The following MUC13 variants were observed in gnomAD, a reference collection of about 807,000 sequenced individuals.
MUC13 encodes mucin-13.
A neutral mutation model predicts 48.3 loss-of-function variants in MUC13; 32 were observed. The observed-to-expected ratio is 0.66, with a 90% confidence interval of 0.50 to 0.89. MUC13 has a LOEUF of 0.89. MUC13 is among the 40% of genes least tolerant of loss of function. The pLI is 0.00. For missense variants in MUC13, 571 were observed against 622.8 expected, an observed-to-expected ratio of 0.92 and a Z score of 0.88; for synonymous variants, 199 against 224.9, an observed-to-expected ratio of 0.88 and a Z score of 1.03.
At chr3:124,912,967 G>GATGACA (rs1935449177) in intron 8 of MUC13, 144 bp downstream of exon 8, 3 of 367,966 alleles carry the variant, frequency 8.2e-6, no homozygotes, top group Middle Eastern at 7.1e-4. Flanking sequence ...AACTATTGAT[G>GATGACA]ATGACAATGA....
At chr3:124,911,388 A>G (rs1310919244) in intron 9 of MUC13, among the ~76,000 whole-genome samples, 1 of 152,190 alleles carries the variant, frequency 6.6e-6, no homozygotes, top group East Asian at 1.9e-4. Context: ...CAAACTTCTC[A>G]TTTTATAGAT....
At chr3:124,919,507 A>G (rs1935559521) in intron 5 of MUC13, among the ~76,000 whole-genome samples, 1 of 152,044 alleles carries the variant, frequency 6.6e-6, no homozygotes, top group Non-Finnish European at 1.5e-5. Context: ...AGGATTTGAT[A>G]TGGCTTATAA....
chr3:124,930,663 A>G (rs190693636), intron 1 of MUC13, among the ~76,000 whole-genome samples: 67 of 152,322 alleles, frequency 4.4e-4, no homozygotes, highest in Non-Finnish European at 8.5e-4. Context: ...ATGGGAAAAT[A>G]TATGCCCTGA....
chr3:124,913,964 G>A (rs752668905), intron 6 of MUC13, among the ~76,000 whole-genome samples: 5 of 152,130 alleles, frequency 3.3e-5, no homozygotes, highest in Non-Finnish European at 7.4e-5. Context: ...CAGGAGACTG[G>A]AGTGGGAGGA....
intron 6 of MUC13, among the ~76,000 whole-genome samples, chr3:124,914,391 A>G (rs1935476408): frequency 6.6e-6 from 1 of 151,772 alleles, no homozygotes; most frequent in African/African-American, 2.4e-5. Flanking sequence ...GCTCTGGGTG[A>G]CAGAGCAAGA....
At chr3:124,910,337 C>T (rs1935397803) in intron 10 of MUC13, 78 bp downstream of exon 10, 4 of 1,546,918 alleles carry the variant, frequency 2.6e-6, no homozygotes, top group Non-Finnish European at 3.5e-6. Flanking sequence ...AGTTCGAGAC[C>T]AACATGGGCA....
rs1935309837 is a variant in MUC13 at position 124,906,017 on chromosome 3, G to C, written c.*726C>G. The C allele has an allele frequency of 6.6e-6, 1 of 152,488 alleles. No homozygotes were observed. The highest frequency in any genetic ancestry group is 1.9e-4 in the East Asian group (1 of 5,194). The allele number at this position is 152,488 out of a possible 1,614,324, so 9.4% of individuals were successfully genotyped here. On this transcript the variant is annotated 3_prime_UTR_variant, in exon 12 of 12. Coordinates refer to ENST00000616727, the MANE Select transcript of MUC13 (RefSeq NM_033049.4). ...TACTCTCTGCCCCTTCTGCCTCCTA[G>C]CATTTCAAAAACTGTAGAGTGCACC...
intron 1 of MUC13, 102 bp downstream of exon 1, chr3:124,934,559 C>A: frequency 1.3e-6 from 1 of 783,882 alleles, no homozygotes; most frequent in Non-Finnish European, 2.3e-6. Flanking sequence ...ATAAAATAGA[C>A]CATGTGCTGG....
chr3:124,918,177 T>C (rs1361961975), intron 5 of MUC13, among the ~76,000 whole-genome samples: 2 of 152,084 alleles, frequency 1.3e-5, no homozygotes, highest in African/African-American at 4.8e-5. Context: ...GGAAAGAGCT[T>C]GGGGAGTCAG....
At chr3:124,914,451 G>A (rs1435236385) in intron 6 of MUC13, among the ~76,000 whole-genome samples, 1 of 152,038 alleles carries the variant, frequency 6.6e-6, no homozygotes, top group African/African-American at 2.4e-5. Flanking sequence ...AATGGAGTGG[G>A]GGAGAGAATA....
chr3:124,908,047 G>T, intron 11 of MUC13, 100 bp downstream of exon 11: 1 of 1,143,512 alleles, frequency 8.7e-7, no homozygotes, highest in Non-Finnish European at 1.2e-6. Context: ...GAAAAAGAAA[G>T]CCTGCGGGGC....
intron 2 of MUC13, 87 bp from the exon 3 acceptor site, chr3:124,923,736 C>T (rs1409806703): frequency 7.3e-7 from 1 of 1,366,360 alleles, no homozygotes; most frequent in East Asian, 2.4e-5. Context: ...TCATGCCTCC[C>T]CCCTGGGCCC....
chr3:124,927,929 T>C lies in MUC13; in HGVS notation c.117A>G (p.Thr39=). The change falls in exon 2 of 12, where the codon ACA becomes ACG. Residue 39 remains threonine, a synonymous_variant. Transcript: ENST00000616727. ...TTTETATSGP[T]VAAADTTETN... Reference sequence around the variant, plus strand: ...TTTCAGTGGTATCAGCTGCAGCTACTGTAGGACCACTAGTCGCAGTTTCTG... The same window carrying C: ...TTTCAGTGGTATCAGCTGCAGCTACCGTAGGACCACTAGTCGCAGTTTCTG... 1 of 1,599,892 alleles carries C rather than the reference T, an allele frequency of 6.3e-7. No homozygotes were observed. The highest frequency in any genetic ancestry group is 8.5e-7 in the Non-Finnish European group (1 of 1,172,872).
At chr3:124,929,111 C>T (rs1935747502) in intron 1 of MUC13, among the ~76,000 whole-genome samples, 1 of 152,038 alleles carries the variant, frequency 6.6e-6, no homozygotes, top group South Asian at 2.1e-4. Flanking sequence ...TTTTAGGAAC[C>T]CCTGGACACA....
chr3:124,925,364 G>C (rs1935670612), intron 2 of MUC13, among the ~76,000 whole-genome samples: 1 of 152,220 alleles, frequency 6.6e-6, no homozygotes, highest in African/African-American at 2.4e-5. Context: ...TCCTATAATA[G>C]TGGATGCATG....
At chr3:124,912,455 A>AG (rs1935437575) in intron 8 of MUC13, among the ~76,000 whole-genome samples, 1 of 152,198 alleles carries the variant, frequency 6.6e-6, no homozygotes, top group African/African-American at 2.4e-5. Context: ...CATGGAGGGT[A>AG]GTGGGACCAT....
At position 124,914,799 on chromosome 3, in the gene MUC13, G is replaced by C. The variant is rs184425155; in HGVS notation, c.965-1118C>G. Among the ~76,000 whole-genome samples, 403 of 152,230 alleles carry C rather than the reference G, an allele frequency of 2.6e-3. 1 individual carries two copies. Among genetic ancestry groups the C allele is most frequent in the African/African-American group, 8.4e-3 (350 of 41,538 alleles). On this transcript the variant is annotated intron_variant, in intron 6 of 11. Coordinates refer to ENST00000616727, the MANE Select transcript of MUC13 (RefSeq NM_033049.4). The stretch of plus-strand genomic sequence containing the variant: ...AAATTAGCTGGGCGTGGTGGCACAT[G>C]CCTATAATCCCAGCTACTCGAGAGG...
chr3:124,916,863 A>T (rs1468678687), intron 5 of MUC13, among the ~76,000 whole-genome samples: 1 of 152,192 alleles, frequency 6.6e-6, no homozygotes, highest in Non-Finnish European at 1.5e-5. Flanking sequence ...CAGCTGTTAA[A>T]TCTCAGTCTG....
chr3:124,910,400 A>G lies in MUC13; in HGVS notation c.1337+15T>C, dbSNP rs375312918. Reference sequence around the variant, plus strand: ...TAAAAAAAAAAAATTTAAAAAGGACACTTTCATCCCATACCTTGCTGTGAC... The same window carrying G: ...TAAAAAAAAAAAATTTAAAAAGGACGCTTTCATCCCATACCTTGCTGTGAC... On this transcript the variant is annotated intron_variant, in intron 10 of 11. Transcript: ENST00000616727. 9 of 1,604,500 alleles carry G rather than the reference A, an allele frequency of 5.6e-6. No individual in the cohort carries two copies. The African/African-American group carries it at 1.2e-4, about 22-fold the overall frequency.
Sources: gnomAD v4.1 joint callset for allele counts (sites outside exome capture counted in the v4.1 genomes callset) on GRCh38, gnomAD v4.1.1 for gene constraint, MANE v1.5 for transcripts, NCBI Gene and HGNC (gene_info 2026-07-23, HGNC 2026-07-21) for gene names.